The following COL4A4 variants were observed in gnomAD, a reference collection of about 807,000 sequenced individuals.
The protein encoded by COL4A4 is collagen type IV alpha 4 chain.
In COL4A4, 105 loss-of-function variants were observed where a neutral mutation model predicts 192.9. The observed-to-expected ratio is 0.54, with a 90% confidence interval of 0.46 to 0.64. The LOEUF is 0.64. COL4A4 is among the 30% of genes least tolerant of loss of function. The pLI is 0.00. For synonymous variants in COL4A4, 762 were observed against 769.9 expected, an observed-to-expected ratio of 0.99 and a Z score of 0.17; for missense variants, 1,967 against 2,169.3, an observed-to-expected ratio of 0.91 and a Z score of 1.85.
At chr2:227,047,578 A>C (rs1189970258) in intron 34 of COL4A4, 29 bp from the exon 35 acceptor site, 8 of 1,510,528 alleles carry the variant, frequency 5.3e-6, no homozygotes. Flanking sequence ...ATGTGACATT[A>C]CTTTAGACAA....
intron 3 of COL4A4, among the ~76,000 whole-genome samples, chr2:227,142,097 CAAAAAAAAAA>C (rs531488311): frequency 1.7e-5 from 2 of 118,934 alleles, no homozygotes; most frequent in African/African-American, 6.2e-5. Context: ...TTAGTAGATT[CAAAAAAAAAA>C]AAAAAAAAAA....
chr2:227,141,437 T>C (rs1468744933), intron 3 of COL4A4, among the ~76,000 whole-genome samples: 1 of 152,234 alleles, frequency 6.6e-6, no homozygotes, highest in Admixed American at 6.5e-5. Flanking sequence ...TATATGTGTA[T>C]ATGTGAATAT....
At chr2:227,160,856 G>A (rs545557142) in intron 1 of COL4A4, among the ~76,000 whole-genome samples, 1 of 152,284 alleles carries the variant, frequency 6.6e-6, no homozygotes, top group African/African-American at 2.4e-5. Context: ...GCAATGGCAA[G>A]AAATGATATG....
chr2:227,033,378 C>T (rs760839319), intron 38 of COL4A4, 32 bp downstream of exon 38: 4 of 1,548,952 alleles, frequency 2.6e-6, no homozygotes, highest in Non-Finnish European at 3.6e-6. Context: ...TGGACTGAAG[C>T]TCAGTCTGTT....
intron 1 of COL4A4, among the ~76,000 whole-genome samples, chr2:227,149,564 A>G (rs1275874218): frequency 6.6e-6 from 1 of 152,186 alleles, no homozygotes; most frequent in Middle Eastern, 3.2e-3. Flanking sequence ...GCACATCTCA[A>G]TAAAAACAAA....
chr2:227,075,269 G>A (rs1390953274), intron 25 of COL4A4, among the ~76,000 whole-genome samples: 1 of 152,198 alleles, frequency 6.6e-6, no homozygotes, highest in South Asian at 2.1e-4. Context: ...CTGGCAAACG[G>A]AATCCAGCAG....
intron 4 of COL4A4, among the ~76,000 whole-genome samples, chr2:227,139,882 G>C (rs914195053): frequency 9.2e-5 from 14 of 152,122 alleles, no homozygotes; most frequent in Non-Finnish European, 1.2e-4. Context: ...TGACCCAGTA[G>C]TTACCATTTC....
At chr2:227,100,060 G>A (rs564988427) in intron 17 of COL4A4, among the ~76,000 whole-genome samples, 2 of 152,274 alleles carry the variant, frequency 1.3e-5, no homozygotes, top group Admixed American at 1.3e-4. Flanking sequence ...AACAAGGTCC[G>A]AATCTACATT....
chr2:227,093,952 T>G (rs927452608), intron 20 of COL4A4, among the ~76,000 whole-genome samples, 173 bp downstream of exon 20: 6 of 152,252 alleles, frequency 3.9e-5, no homozygotes, highest in African/African-American at 1.4e-4. Flanking sequence ...TTGCACATAC[T>G]TTAATGGATG....
At chr2:226,990,927 G>A in the COL4A4 span, among the ~76,000 whole-genome samples, 1 of 152,194 alleles carries the variant, frequency 6.6e-6, no homozygotes, top group African/African-American at 2.4e-5. Context: ...ACCCAGGCCT[G>A]TAAATGTCCA....
Position 227,082,205 on chromosome 2 carries a change from G to T in COL4A4, c.1624-18C>A. Reference sequence around the variant, plus strand: ...TGCTTTCCCTTGGTGAAAAATAAGAGAAACAAATTAGGTTAATTGTGATGG... The same window carrying T: ...TGCTTTCCCTTGGTGAAAAATAAGATAAACAAATTAGGTTAATTGTGATGG... On this transcript the variant is annotated intron_variant, in intron 22 of 47. Transcript: ENST00000396625. The T allele has an allele frequency of 6.2e-7, 1 of 1,606,368 alleles. No individual in the cohort carries two copies. Among genetic ancestry groups the T allele is most frequent in the Non-Finnish European group, 8.5e-7 (1 of 1,172,904 alleles).
At chr2:227,021,428 T>C (rs573993235) in intron 44 of COL4A4, among the ~76,000 whole-genome samples, 3 of 152,296 alleles carry the variant, frequency 2.0e-5, no homozygotes, top group Admixed American at 6.5e-5. Context: ...CAGCTATTAA[T>C]GACTGTTCAT....
chr2:227,098,544 A>G (rs2060329247), intron 19 of COL4A4, 150 bp downstream of exon 19: 1 of 635,876 alleles, frequency 1.6e-6, no homozygotes, highest in Non-Finnish European at 2.8e-6. Context: ...AGAGTCTAAC[A>G]TTCTTGGTCT....
chr2:227,161,542 C>G (rs1387939131), intron 1 of COL4A4, among the ~76,000 whole-genome samples: 1 of 152,008 alleles, frequency 6.6e-6, no homozygotes, highest in East Asian at 1.9e-4. Context: ...TAATTAACAC[C>G]ACCTGTTTGT....
chr2:226,974,835 G>T, the COL4A4 span, among the ~76,000 whole-genome samples: 7 of 152,278 alleles, frequency 4.6e-5, no homozygotes, highest in Non-Finnish European at 1.0e-4. Flanking sequence ...TATAATTGGA[G>T]ATCACTCTTT....
At chr2:227,146,819 A>G (rs905005047) in intron 2 of COL4A4, among the ~76,000 whole-genome samples, 2 of 152,048 alleles carry the variant, frequency 1.3e-5, no homozygotes, top group African/African-American at 4.8e-5. Context: ...CTGTTTTTGT[A>G]GTCAAAGCTC....
At chr2:227,060,378 T>C in intron 26 of COL4A4, 135 bp from the exon 27 acceptor site, 5 of 654,550 alleles carry the variant, frequency 7.6e-6, no homozygotes, top group Non-Finnish European at 1.3e-5. Context: ...ATGTTGCCTA[T>C]CCCGATTTAC....
intron 21 of COL4A4, among the ~76,000 whole-genome samples, chr2:227,089,384 C>T (rs981141913): frequency 1.3e-5 from 2 of 151,718 alleles, no homozygotes; most frequent in African/African-American, 4.8e-5. Flanking sequence ...TGCTGTCACA[C>T]CCACCTGACT....
intron 33 of COL4A4, among the ~76,000 whole-genome samples, chr2:227,050,463 T>A (rs1973832583): frequency 6.6e-6 from 1 of 152,216 alleles, no homozygotes; most frequent in Non-Finnish European, 1.5e-5. Flanking sequence ...TCACAGCATA[T>A]GAAAGACTTT....
Sources: allele counts gnomAD v4.1 joint callset (sites outside exome capture counted in the v4.1 genomes callset), GRCh38; gene constraint gnomAD v4.1.1; transcripts MANE v1.5; gene names NCBI Gene and HGNC (gene_info 2026-07-23, HGNC 2026-07-21).